The following RAB4A variants were observed in gnomAD, a reference collection of about 807,000 sequenced individuals.
The protein encoded by RAB4A is ras-related protein Rab-4A.
RAB4A carries 20 observed loss-of-function variants against 34.5 expected under a neutral mutation model. The observed-to-expected ratio is 0.58, with a 90% CI of 0.41 to 0.84. RAB4A has a LOEUF of 0.84. RAB4A is among the 40% of genes least tolerant of loss of function. The probability of loss-of-function intolerance (pLI) is 0.00; values close to 1 mark genes in which losing one functional copy is unlikely to be tolerated. For synonymous variants in RAB4A, 102 were observed against 100.0 expected (o/e 1.02, Z -0.12); for missense variants, 228 against 274.5 (o/e 0.83, Z 1.20).
At chr1:229,284,068 G>GTTT (rs1553300849) in intron 1 of RAB4A, among the ~76,000 whole-genome samples, 1 of 132,060 alleles carries the variant, frequency 7.6e-6, no homozygotes, top group African/African-American at 2.8e-5. Flanking sequence ...TTCTAGGGTG[G>GTTT]TTTTTTTTGT....
intron 3 of RAB4A, among the ~76,000 whole-genome samples, chr1:229,291,713 C>T (rs1371291591): frequency 6.6e-6 from 1 of 152,138 alleles, no homozygotes; most frequent in Non-Finnish European, 1.5e-5. Flanking sequence ...AGAGAGAACT[C>T]ACCTCGCTTG....
intron 1 of RAB4A, among the ~76,000 whole-genome samples, chr1:229,280,130 A>G (rs1231086479): frequency 6.6e-6 from 1 of 152,238 alleles, no homozygotes; most frequent in Non-Finnish European, 1.5e-5. Context: ...AGAAAAAACC[A>G]CAGATTAAAA....
chr1:229,296,664 G>A (rs1657258658), intron 4 of RAB4A, among the ~76,000 whole-genome samples: 1 of 152,068 alleles, frequency 6.6e-6, no homozygotes, highest in African/African-American at 2.4e-5. Flanking sequence ...CATCATCTGG[G>A]GGCCCTTTCT....
chr1:229,277,153 T>C lies in RAB4A; in HGVS notation c.31+5783T>C, dbSNP rs1172858388. 2.0e-5 allele frequency among the ~76,000 whole-genome samples: 3 copies of C among 150,532 alleles called. No individual in the cohort carries two copies. The South Asian group carries it at 6.2e-4, about 31-fold the overall frequency. ...CTGCTAAGTAACTGCCTTCCTCAAATCAGCCTCCTCAGTGTGTGTGATCCC... is the reference window on the plus strand; with the variant it reads ...CTGCTAAGTAACTGCCTTCCTCAAACCAGCCTCCTCAGTGTGTGTGATCCC... On this transcript the variant is annotated intron_variant, in intron 1 of 7. Transcript: ENST00000366690.
At position 229,302,290 on chromosome 1, in the gene RAB4A, TA is replaced by T. The variant is rs55785836; in HGVS notation, c.542-571del. Among the ~76,000 whole-genome samples the T allele has an allele frequency of 6.5e-3, 159 of 24,546 alleles. 9 individuals carry two copies. The highest frequency in any genetic ancestry group is 0.024 in the African/African-American group (132 of 5,478). 16.1% of individuals were successfully genotyped at this position (24,546 alleles called of 152,430 possible). A position where few individuals can be genotyped will look rare whatever the true frequency, so the allele number is the denominator to read the frequency against. On this transcript the variant is annotated intron_variant, in intron 6 of 7. Coordinates refer to ENST00000366690, the MANE Select transcript of RAB4A (RefSeq NM_004578.4). ...ATATATATATATATATATATATATA[TA>T]TATATATATATATATATATTTTTTT...
At chr1:229,288,707 T>C (rs1370842144) in intron 2 of RAB4A, 22 bp from the exon 3 acceptor site, 2 of 1,213,988 alleles carry the variant, frequency 1.6e-6, no homozygotes, top group Non-Finnish European at 2.4e-6. Flanking sequence ...TTAAATATGC[T>C]GTTCTTGTTT....
At chr1:229,292,292 G>A (rs971180471) in intron 3 of RAB4A, among the ~76,000 whole-genome samples, 38 of 152,152 alleles carry the variant, frequency 2.5e-4, no homozygotes, top group African/African-American at 8.9e-4. Context: ...GTGTATATTT[G>A]TATACTGGAG....
intron 1 of RAB4A, among the ~76,000 whole-genome samples, chr1:229,274,840 A>G (rs543370253): frequency 1.4e-4 from 22 of 152,362 alleles, no homozygotes; most frequent in African/African-American, 5.3e-4. Flanking sequence ...ATCTCTACAT[A>G]TATTAGAGTT....
intron 1 of RAB4A, among the ~76,000 whole-genome samples, chr1:229,279,426 C>T (rs1656726261): frequency 6.6e-6 from 1 of 152,194 alleles, no homozygotes; most frequent in Non-Finnish European, 1.5e-5. Context: ...TCCCCATCTG[C>T]CTTTGTGCCT....
chr1:229,273,623 C>G (rs150255190), intron 1 of RAB4A, among the ~76,000 whole-genome samples: 1 of 152,220 alleles, frequency 6.6e-6, no homozygotes, highest in African/African-American at 2.4e-5. Context: ...CTTGTAGTCC[C>G]GGCTACTTGG....
At chr1:229,287,191 G>C (rs992847584) in intron 2 of RAB4A, among the ~76,000 whole-genome samples, 5 of 152,018 alleles carry the variant, frequency 3.3e-5, no homozygotes, top group African/African-American at 9.7e-5. Flanking sequence ...GTGGGTGAAG[G>C]GTCAAAAACA....
rs911871919 is a variant in RAB4A at position 229,276,102 on chromosome 1, A to G, written c.31+4732A>G. 6.6e-5 allele frequency among the ~76,000 whole-genome samples: 10 copies of G among 151,458 alleles called. 1 individual carries two copies. The highest frequency in any genetic ancestry group is 2.5e-4 in the African/African-American group (10 of 40,732). On this transcript the variant is annotated intron_variant, in intron 1 of 7. Coordinates refer to ENST00000366690, the MANE Select transcript of RAB4A (RefSeq NM_004578.4). ...ACATTTCTTCAAGTTGAATAAATATATGATTATACATGTTTGTCATTTTCT... is the reference window on the plus strand; with the variant it reads ...ACATTTCTTCAAGTTGAATAAATATGTGATTATACATGTTTGTCATTTTCT...
At chr1:229,286,348 G>T in intron 1 of RAB4A, 138 bp from the exon 2 acceptor site, 1 of 586,814 alleles carries the variant, frequency 1.7e-6, no homozygotes. Flanking sequence ...CATATGTATT[G>T]TCATTTCACA....
At chr1:229,280,335 T>A (rs1366212987) in intron 1 of RAB4A, among the ~76,000 whole-genome samples, 3 of 152,190 alleles carry the variant, frequency 2.0e-5, no homozygotes, top group Non-Finnish European at 4.4e-5. Flanking sequence ...AGTTGGATTC[T>A]CATCATCTAC....
In RAB4A at chr1:229,305,336, T is replaced by C. The variant is rs1657522980; in HGVS notation, c.*1543T>C. ...AGCTGCTCATTTTTGAACAGCTTTTTGCATGGGATAGGAGCATGTCTATTC... is the reference window on the plus strand; with the variant it reads ...AGCTGCTCATTTTTGAACAGCTTTTCGCATGGGATAGGAGCATGTCTATTC... On this transcript the variant is annotated 3_prime_UTR_variant, in exon 8 of 8. Coordinates refer to ENST00000366690, the MANE Select transcript of RAB4A (RefSeq NM_004578.4). The C allele has an allele frequency of 6.4e-7, 1 of 1,559,488 alleles. No individual in the cohort carries two copies.
At chr1:229,302,691 AG>A (rs1377582089) in intron 6 of RAB4A, among the ~76,000 whole-genome samples, 170 bp from the exon 7 acceptor site, 1 of 151,740 alleles carries the variant, frequency 6.6e-6, no homozygotes, top group Non-Finnish European at 1.5e-5. Context: ...GTATCCTGCT[AG>A]AGATGTTTTG....
chr1:229,299,056 TAAC>T lies in RAB4A; in HGVS notation c.528_530del (p.Asn176del). 1.9e-6 allele frequency: 3 copies of T among 1,605,474 alleles called. No individual in the cohort carries two copies. Among genetic ancestry groups the T allele is most frequent in the Non-Finnish European group, 2.5e-6 (3 of 1,177,646 alleles). ...TTGTACAGTGTGCAAGAAAAATACT[TAAC>T]AAAATCGAATCAGGTAAAAGCCTTT... On this transcript the variant is annotated inframe_deletion, in exon 6 of 8. Transcript: ENST00000366690.
Position 229,284,717 on chromosome 1 carries a change from C to G in RAB4A, c.32-1769C>G, listed in dbSNP as rs190824603. 2.0e-5 allele frequency among the ~76,000 whole-genome samples: 3 copies of G among 151,730 alleles called. No individual in the cohort carries two copies. The East Asian group carries it at 5.8e-4, about 29-fold the overall frequency. Reference sequence around the variant, plus strand: ...TGTAGATTTATCCTTATTTATTCTTCTCATGGTTCAGAGTTATTTTTTATT... The same window carrying G: ...TGTAGATTTATCCTTATTTATTCTTGTCATGGTTCAGAGTTATTTTTTATT... On this transcript the variant is annotated intron_variant, in intron 1 of 7. Transcript: ENST00000366690.
intron 4 of RAB4A, among the ~76,000 whole-genome samples, chr1:229,296,128 A>G (rs1485455479): frequency 6.6e-6 from 1 of 152,184 alleles, no homozygotes; most frequent in African/African-American, 2.4e-5. Context: ...TGTGTTTGTA[A>G]GGTTTTAGGT....
Sources: allele counts gnomAD v4.1 joint callset (sites outside exome capture counted in the v4.1 genomes callset), GRCh38; gene constraint gnomAD v4.1.1; transcripts MANE v1.5; gene names NCBI Gene and HGNC (gene_info 2026-07-23, HGNC 2026-07-21).